Variants in MAST2 observed in about 807,000 individuals in gnomAD.
MAST2 encodes microtubule-associated serine/threonine-protein kinase 2.
MAST2 carries 70 observed loss-of-function variants against 147.4 expected under a neutral mutation model. The observed-to-expected ratio is 0.47, with a 90% CI of 0.39 to 0.58. The LOEUF (loss-of-function observed/expected upper bound fraction) is 0.58, where lower values mean the gene tolerates loss of function less well. MAST2 is among the 20% of genes least tolerant of loss of function. MAST2 has a pLI of 0.00. For synonymous variants in MAST2, 869 were observed against 896.8 expected, an observed-to-expected ratio of 0.97 and a Z score of 0.55; for missense variants, 2,080 against 2,302.3, an observed-to-expected ratio of 0.90 and a Z score of 1.98.
chr1:45,853,695 C>T lies in MAST2; in HGVS notation c.468+24114C>T, dbSNP rs546364136. 3.9e-5 allele frequency among the ~76,000 whole-genome samples: 6 copies of T among 151,904 alleles called. No homozygotes were observed. In the South Asian group the frequency reaches 1.2e-3, roughly 32 times the overall value. On this transcript the variant is annotated intron_variant, in intron 3 of 28. Transcript: ENST00000361297. Reference sequence around the variant, plus strand: ...TTTCTTAAAAGAAAAATTTTTTATACTACCTTTATGTGTACAATCTCTTTT... The same window carrying T: ...TTTCTTAAAAGAAAAATTTTTTATATTACCTTTATGTGTACAATCTCTTTT...
chr1:46,035,496 C>T lies in MAST2; in HGVS notation c.4827C>T (p.Asp1609=). The change falls in exon 29 of 29, where the codon GAC becomes GAT. Residue 1609 remains aspartate (D), a synonymous_variant. Coordinates refer to ENST00000361297, the MANE Select transcript of MAST2 (RefSeq NM_015112.3). This position sits in a 1 kb window ranked among gnomAD's most constrained non-coding sequence, Gnocchi z 5.5. ...GPNLGQSGAT[D]PIPPEGCWKA... ...ACCTAGGTCAGTCTGGAGCCACAGA[C>T]CCCATCCCTCCTGAAGGTTGCTGGA... is the stretch of plus-strand genomic sequence containing the variant. 1 of 1,613,330 alleles carries T rather than the reference C, an allele frequency of 6.2e-7. No homozygotes were observed. The highest frequency in any genetic ancestry group is 8.5e-7 in the Non-Finnish European group (1 of 1,180,004).
intron 4 of MAST2, among the ~76,000 whole-genome samples, chr1:45,939,930 C>T (rs1368137212): frequency 6.7e-6 from 1 of 149,358 alleles, no homozygotes; most frequent in Admixed American, 6.7e-5. Context: ...ATTGCCATCT[C>T]AACAACACTG....
intron 4 of MAST2, among the ~76,000 whole-genome samples, chr1:45,899,745 G>T (rs987225444): frequency 1.3e-5 from 2 of 151,702 alleles, no homozygotes; most frequent in Non-Finnish European, 2.9e-5. Context: ...AATTTGTATT[G>T]TGAATAGTGC....
chr1:45,847,519 C>A, intron 3 of MAST2: 1 of 785,762 alleles, frequency 1.3e-6, no homozygotes, highest in South Asian at 1.4e-5. Flanking sequence ...TATTTGTGGG[C>A]CTCTCTCATA....
intron 10 of MAST2, among the ~76,000 whole-genome samples, chr1:46,018,629 T>G (rs1646056120): frequency 6.6e-6 from 1 of 152,200 alleles, no homozygotes; most frequent in Non-Finnish European, 1.5e-5. Flanking sequence ...ATGCATCTCT[T>G]TTCACAGTTC....
intron 4 of MAST2, among the ~76,000 whole-genome samples, chr1:45,902,816 A>G (rs577626544): frequency 4.6e-5 from 7 of 152,194 alleles, no homozygotes; most frequent in Non-Finnish European, 8.8e-5. Context: ...TTTCTGTGAT[A>G]TCAGTTGTAA....
intron 4 of MAST2, among the ~76,000 whole-genome samples, chr1:45,939,963 T>C (rs1332412507): frequency 2.0e-5 from 3 of 151,178 alleles, no homozygotes; most frequent in Admixed American, 1.3e-4. Flanking sequence ...AGAACGGAAG[T>C]TCTCTATTTA....
intron 4 of MAST2, among the ~76,000 whole-genome samples, chr1:45,922,249 C>T (rs1653628164): frequency 6.6e-6 from 1 of 152,224 alleles, no homozygotes; most frequent in Admixed American, 6.5e-5. Context: ...ACAAGTTGCC[C>T]TTGCGGTTTC....
At chr1:45,895,481 G>A (rs74362691) in intron 4 of MAST2, among the ~76,000 whole-genome samples, 2,251 of 152,218 alleles carry the variant, frequency 0.015, 28 homozygotes, top group Non-Finnish European at 0.025. Flanking sequence ...TGGAGATTCC[G>A]TAAACTTCTT....
At chr1:46,029,051 G>C in intron 18 of MAST2, 118 bp downstream of exon 18, 3 of 1,153,454 alleles carry the variant, frequency 2.6e-6, no homozygotes, top group South Asian at 1.6e-5. Context: ...GTGTGTTTGT[G>C]ATGTCTGCTG....
intron 4 of MAST2, among the ~76,000 whole-genome samples, chr1:45,952,602 A>G (rs1017038785): frequency 6.6e-6 from 1 of 152,250 alleles, no homozygotes; most frequent in Non-Finnish European, 1.5e-5. Flanking sequence ...ATTAAGTACA[A>G]AGGAACAGCA....
At chr1:46,030,951 CT>C in intron 22 of MAST2, 55 bp from the exon 23 acceptor site, 1 of 1,579,174 alleles carries the variant, frequency 6.3e-7, no homozygotes, top group African/African-American at 1.3e-5. Context: ...CTAAGGAGAC[CT>C]GGCAGGAGGA....
chr1:46,016,428 A>G (rs978472294), intron 10 of MAST2, among the ~76,000 whole-genome samples: 4 of 152,138 alleles, frequency 2.6e-5, no homozygotes, highest in African/African-American at 9.6e-5. Flanking sequence ...ATATCTAGAA[A>G]ACCCCATTGT....
intron 4 of MAST2, among the ~76,000 whole-genome samples, chr1:45,941,017 T>C (rs1570837079): frequency 6.6e-6 from 1 of 152,188 alleles, no homozygotes; most frequent in East Asian, 1.9e-4. Flanking sequence ...CTCTGATTGG[T>C]GAATGACAGT....
At chr1:45,847,949 A>G (rs1645496230) in intron 3 of MAST2, among the ~76,000 whole-genome samples, 1 of 152,232 alleles carries the variant, frequency 6.6e-6, no homozygotes, top group Non-Finnish European at 1.5e-5. Flanking sequence ...ATTCTATCAT[A>G]TAGACAATAT....
intron 5 of MAST2, among the ~76,000 whole-genome samples, chr1:45,962,319 A>G (rs1226903878): frequency 6.6e-6 from 1 of 151,904 alleles, no homozygotes; most frequent in Non-Finnish European, 1.5e-5. Context: ...TGGTATTTCT[A>G]GTTCTAGATC....
At chr1:45,926,689 C>G (rs1654422565) in intron 4 of MAST2, among the ~76,000 whole-genome samples, 1 of 152,046 alleles carries the variant, frequency 6.6e-6, no homozygotes, top group Non-Finnish European at 1.5e-5. Context: ...GAAAGCGCAT[C>G]TTGAGAGTAT....
intron 5 of MAST2, among the ~76,000 whole-genome samples, chr1:45,983,557 CGCAGCTCACT>C (rs1644498093): frequency 6.7e-6 from 1 of 149,722 alleles, no homozygotes; most frequent in African/African-American, 2.5e-5. Context: ...GTGACATGAT[CGCAGCTCACT>C]GCAGCCTCTA....
At chr1:45,929,490 A>G (rs1654938330) in intron 4 of MAST2, among the ~76,000 whole-genome samples, 1 of 152,210 alleles carries the variant, frequency 6.6e-6, no homozygotes, top group Non-Finnish European at 1.5e-5. Context: ...CCACGTAGAA[A>G]GAGGAATTAT....
Sources: allele counts gnomAD v4.1 joint callset (sites outside exome capture counted in the v4.1 genomes callset), GRCh38; gene constraint gnomAD v4.1.1; non-coding constraint Gnocchi (gnomAD v3.1); transcripts MANE v1.5; gene names NCBI Gene and HGNC (gene_info 2026-07-23, HGNC 2026-07-21).